Variants in TRIO observed in about 807,000 individuals in gnomAD.
TRIO encodes the protein trio Rho guanine nucleotide exchange factor.
A neutral mutation model predicts 351.9 loss-of-function variants in TRIO; 58 were observed. The ratio of observed to expected loss-of-function variants is 0.16; its 90% CI spans 0.13 to 0.21. The LOEUF (loss-of-function observed/expected upper bound fraction) is 0.21. TRIO is among the 10% of genes least tolerant of loss of function. The pLI is 1.00. For synonymous variants in TRIO, 1,758 were observed against 1,595.7 expected, an observed-to-expected ratio of 1.10 and a Z score of -2.42; for missense variants, 3,201 against 4,027.8, an observed-to-expected ratio of 0.79 and a Z score of 5.56.
chr5:14,484,024 C>T (rs1755736654), intron 46 of TRIO, among the ~76,000 whole-genome samples: 1 of 151,864 alleles, frequency 6.6e-6, no homozygotes, highest in Non-Finnish European at 1.5e-5. Flanking sequence ...CTGCACCCAT[C>T]CCCTGAGAAC....
chr5:14,451,032 T>C (rs573380110), intron 34 of TRIO, among the ~76,000 whole-genome samples: 2 of 152,318 alleles, frequency 1.3e-5, no homozygotes, highest in African/African-American at 4.8e-5. Flanking sequence ...AAATAGAATA[T>C]AGATTTAAGT....
At chr5:14,376,367 A>G (rs1254098058) in intron 19 of TRIO, among the ~76,000 whole-genome samples, 2 of 152,246 alleles carry the variant, frequency 1.3e-5, no homozygotes, top group African/African-American at 4.8e-5. Flanking sequence ...GTACAAATAC[A>G]TATGTTAGCT....
intron 10 of TRIO, among the ~76,000 whole-genome samples, chr5:14,334,866 C>T (rs921490145): frequency 1.3e-5 from 2 of 152,216 alleles, no homozygotes; most frequent in South Asian, 2.1e-4. Flanking sequence ...ACAGCAGAGC[C>T]GTTGGTGCTC....
Position 14,156,242 on chromosome 5 carries a change from C to G in TRIO, c.157+12360C>G, listed in dbSNP as rs371209706. ...TAAACTGTTCCAGGTGCACCTTGTGCTTTCCTTGCCCCAGGGCTGGGATCA... is the reference window on the plus strand; with the variant it reads ...TAAACTGTTCCAGGTGCACCTTGTGGTTTCCTTGCCCCAGGGCTGGGATCA... On this transcript the variant is annotated intron_variant, in intron 1 of 56. Transcript: ENST00000344204. Among the ~76,000 whole-genome samples the G allele has an allele frequency of 5.6e-4, 85 of 152,278 alleles. 1 individual carries two copies. In the South Asian group the frequency reaches 0.017, roughly 31 times the overall value.
chr5:14,297,843 A>T (rs555715455), intron 7 of TRIO, among the ~76,000 whole-genome samples: 1 of 152,294 alleles, frequency 6.6e-6, no homozygotes, highest in East Asian at 1.9e-4. Context: ...AGCACACCTC[A>T]GCTCCACGCA....
intron 38 of TRIO, 71 bp from the exon 39 acceptor site, chr5:14,472,521 C>G: frequency 6.5e-7 from 1 of 1,543,676 alleles, no homozygotes; most frequent in African/African-American, 1.4e-5. Flanking sequence ...TCCATCTTGA[C>G]CAGGAGCAAA....
intron 49 of TRIO, among the ~76,000 whole-genome samples, chr5:14,495,137 C>G (rs953961319): frequency 2.6e-5 from 4 of 152,168 alleles, no homozygotes; most frequent in Non-Finnish European, 5.9e-5. Flanking sequence ...GGTTTTAAGA[C>G]TTCAGTGAAG....
At chr5:14,255,916 C>CA (rs1178411397) in intron 1 of TRIO, among the ~76,000 whole-genome samples, 1 of 151,550 alleles carries the variant, frequency 6.6e-6, no homozygotes, top group Non-Finnish European at 1.5e-5. Flanking sequence ...ATATAAAGCT[C>CA]AAAAATAAGC....
At position 14,339,852 on chromosome 5, in the gene TRIO, A is replaced by G. The variant is rs565255030; in HGVS notation, c.2046+3125A>G. On this transcript the variant is annotated intron_variant, in intron 11 of 56. Coordinates refer to ENST00000344204, the MANE Select transcript of TRIO (RefSeq NM_007118.4). ...GCGGGAAAGAATGGTTTCTTCAGTC[A>G]TCGTATTTTGAAGCTGGTTATTGAA... 1.1e-4 allele frequency among the ~76,000 whole-genome samples: 16 copies of G among 152,366 alleles called. No individual in the cohort carries two copies. In the South Asian group the frequency reaches 2.9e-3, roughly 28 times the overall value.
intron 6 of TRIO, among the ~76,000 whole-genome samples, chr5:14,294,639 G>A (rs560866925): frequency 6.6e-6 from 1 of 152,280 alleles, no homozygotes; most frequent in South Asian, 2.1e-4. Flanking sequence ...TAGAAGACAG[G>A]AAAATGGGTT....
At chr5:14,461,698 A>G (rs1179198621) in intron 35 of TRIO, among the ~76,000 whole-genome samples, 1 of 152,248 alleles carries the variant, frequency 6.6e-6, no homozygotes, top group Non-Finnish European at 1.5e-5. Context: ...AGATTTGGGC[A>G]GTCTCTGAGC....
intron 1 of TRIO, among the ~76,000 whole-genome samples, chr5:14,166,299 C>A (rs138701116): frequency 6.6e-6 from 1 of 152,184 alleles, no homozygotes; most frequent in African/African-American, 2.4e-5. Context: ...TCAGTCGTCC[C>A]GTCACTTAGT....
Position 14,291,183 on chromosome 5 carries a change from G to A in TRIO, c.1008G>A (p.Leu336=), listed in dbSNP as rs545612676. ...TGTGGCATGTGAGGAAGCTGAAGCT[G>A]GACCAGTGCTTCCAGCTGAGGCTGT... ...HQMWHVRKLK[L]DQCFQLRLFE... is the part of the protein sequence containing the mutation. The change falls in exon 5 of 57, where the codon CTG becomes CTA. Residue 336 remains leucine, a synonymous_variant. Transcript: ENST00000344204. 15 of 1,614,190 alleles carry A rather than the reference G, an allele frequency of 9.3e-6. No homozygotes were observed. The South Asian group carries it at 1.5e-4, about 17-fold the overall frequency.
intron 28 of TRIO, among the ~76,000 whole-genome samples, chr5:14,395,047 G>A (rs1272431685): frequency 1.3e-5 from 2 of 152,150 alleles, no homozygotes; most frequent in Non-Finnish European, 1.5e-5. Flanking sequence ...GCTCGACAAC[G>A]GGAAGTTATT....
At chr5:14,407,319 A>T (rs957850679) in intron 33 of TRIO, among the ~76,000 whole-genome samples, 1 of 152,220 alleles carries the variant, frequency 6.6e-6, no homozygotes, top group Non-Finnish European at 1.5e-5. Flanking sequence ...TGCACAGTCC[A>T]CATGAGGTGC....
chr5:14,448,763 T>A (rs77121204), intron 34 of TRIO, among the ~76,000 whole-genome samples: 1 of 152,174 alleles, frequency 6.6e-6, no homozygotes, highest in South Asian at 2.1e-4. Context: ...TTTTTTTTTT[T>A]AAGTGTCTCT....
intron 13 of TRIO, among the ~76,000 whole-genome samples, chr5:14,360,199 A>C (rs1356930476): frequency 3.9e-5 from 6 of 152,202 alleles, no homozygotes; most frequent in South Asian, 2.1e-4. Flanking sequence ...TCTTACCTAA[A>C]CGTGGACTTT....
At chr5:14,349,128 G>A (rs1170423197) in intron 11 of TRIO, among the ~76,000 whole-genome samples, 1 of 150,738 alleles carries the variant, frequency 6.6e-6, no homozygotes, top group Non-Finnish European at 1.5e-5. Flanking sequence ...ATGCACATGA[G>A]CATGTTTTTC....
intron 1 of TRIO, among the ~76,000 whole-genome samples, chr5:14,226,281 G>C (rs1160908669): frequency 6.6e-6 from 1 of 150,414 alleles, no homozygotes; most frequent in East Asian, 2.0e-4. Flanking sequence ...GGTGTCACCA[G>C]GTTAGAAGGA....
Sources: gnomAD v4.1 joint callset for allele counts (sites outside exome capture counted in the v4.1 genomes callset) on GRCh38, gnomAD v4.1.1 for gene constraint, MANE v1.5 for transcripts, NCBI Gene and HGNC (gene_info 2026-07-23, HGNC 2026-07-21) for gene names.